Variants in NAA60 observed in about 807,000 individuals in gnomAD.
NAA60 encodes N-alpha-acetyltransferase 60.
A neutral mutation model predicts 26.1 loss-of-function variants in NAA60; 8 were observed. That is an observed-to-expected ratio of 0.31 (90% CI 0.18 to 0.55). NAA60 has a LOEUF of 0.55. Among genes scored for constraint, NAA60 ranks in the 20% least tolerant of loss-of-function variants. The pLI is 0.93. For missense variants in NAA60, 290 were observed against 311.3 expected, an observed-to-expected ratio of 0.93 and a Z score of 0.51; for synonymous variants, 131 against 122.5, an observed-to-expected ratio of 1.07 and a Z score of -0.46.
At chr16:3,449,591 A>G (rs2034692326) in intron 2 of NAA60, among the ~76,000 whole-genome samples, 1 of 152,152 alleles carries the variant, frequency 6.6e-6, no homozygotes. Context: ...AGGCTAAGGA[A>G]GAAGAATTGC....
intron 2 of NAA60, among the ~76,000 whole-genome samples, chr16:3,460,280 A>G (rs944202296): frequency 6.6e-6 from 1 of 152,196 alleles, no homozygotes; most frequent in Non-Finnish European, 1.5e-5. Context: ...CATCTGCGTC[A>G]TCTCCATTAT....
chr16:3,449,778 G>A (rs542081463), intron 2 of NAA60, among the ~76,000 whole-genome samples: 36 of 152,216 alleles, frequency 2.4e-4, no homozygotes, highest in African/African-American at 7.7e-4. Flanking sequence ...CGTGGGGCAG[G>A]TCTTTCCCAT....
chr16:3,476,711 G>C (rs1206965396), intron 3 of NAA60, among the ~76,000 whole-genome samples: 1 of 151,670 alleles, frequency 6.6e-6, no homozygotes, highest in African/African-American at 2.4e-5. Context: ...TTATTCAGCC[G>C]GGAAAAAAAA....
chr16:3,453,528 C>T (rs2034865908), intron 2 of NAA60, among the ~76,000 whole-genome samples: 1 of 152,116 alleles, frequency 6.6e-6, no homozygotes. Flanking sequence ...TCTGCCTTAG[C>T]CTCTCAAGTA....
At chr16:3,458,950 C>T (rs1370480258) in intron 2 of NAA60, among the ~76,000 whole-genome samples, 1 of 152,158 alleles carries the variant, frequency 6.6e-6, no homozygotes, top group Non-Finnish European at 1.5e-5. Flanking sequence ...TGTGCCCAAA[C>T]GGAGACAGGA....
intron 2 of NAA60, among the ~76,000 whole-genome samples, chr16:3,468,749 C>G (rs555184568): frequency 2.0e-5 from 3 of 152,268 alleles, no homozygotes; most frequent in African/African-American, 4.8e-5. Flanking sequence ...ACCCCAGGCT[C>G]GAGCCTTTGA....
At chr16:3,446,800 G>A (rs1451166130) in intron 1 of NAA60, among the ~76,000 whole-genome samples, 1 of 151,930 alleles carries the variant, frequency 6.6e-6, no homozygotes, top group African/African-American at 2.4e-5. Context: ...TAGTAGAGAT[G>A]CAGTTTTGCC....
At chr16:3,474,715 G>A (rs11866398) in intron 2 of NAA60, among the ~76,000 whole-genome samples, 2,626 of 152,290 alleles carry the variant, frequency 0.017, 67 homozygotes, top group African/African-American at 0.057. Flanking sequence ...CCTTGCACCT[G>A]CCCCCAGCAG....
At chr16:3,473,901 A>AT (rs1301034670) in intron 2 of NAA60, among the ~76,000 whole-genome samples, 1 of 151,522 alleles carries the variant, frequency 6.6e-6, no homozygotes, top group Non-Finnish European at 1.5e-5. Flanking sequence ...TGCCTGGCTA[A>AT]TTTTTATATT....
intron 3 of NAA60, among the ~76,000 whole-genome samples, chr16:3,477,794 A>C (rs2036573445): frequency 6.6e-6 from 1 of 151,998 alleles, no homozygotes; most frequent in African/African-American, 2.4e-5. Context: ...GGCCGGGCGC[A>C]GTGGCTCACG....
At chr16:3,459,754 G>A (rs37838) in intron 2 of NAA60, among the ~76,000 whole-genome samples, 51,765 of 151,896 alleles carry the variant, frequency 0.34, 9,034 homozygotes, top group African/African-American at 0.41. Context: ...CACACAGACA[G>A]CTTTTTAAAA....
intron 2 of NAA60, among the ~76,000 whole-genome samples, chr16:3,469,281 C>A (rs557514647): frequency 7.4e-6 from 1 of 135,312 alleles, no homozygotes; most frequent in Non-Finnish European, 1.6e-5. Flanking sequence ...GAGCAGAGAG[C>A]ACCTGCCTGG....
intron 6 of NAA60, among the ~76,000 whole-genome samples, chr16:3,484,225 A>G (rs188258276): frequency 6.6e-6 from 1 of 152,312 alleles, no homozygotes; most frequent in East Asian, 1.9e-4. Context: ...TTCATTACAT[A>G]GAATAATAAG....
At chr16:3,450,572 C>T (rs535574752) in intron 2 of NAA60, among the ~76,000 whole-genome samples, 18 of 152,018 alleles carry the variant, frequency 1.2e-4, no homozygotes, top group South Asian at 4.2e-4. Context: ...TGGTGGTGGG[C>T]ACCTGTGGTC....
rs139359923 is a variant in NAA60, at chr16:3,451,943, C to T, written c.-7+3403C>T. Among the ~76,000 whole-genome samples, 637 of 151,190 alleles carry T rather than the reference C, an allele frequency of 4.2e-3. 10 individuals are homozygous for T. Among genetic ancestry groups the T allele is most frequent in the South Asian group, 0.031 (149 of 4,786 alleles). ...AAAAAAAAAAATGAGCATGGTGGCT[C>T]ACACCAGTAATCCCAGAATCCCAGC... On this transcript the variant is annotated intron_variant, in intron 2 of 7. Transcript: ENST00000407558.
chr16:3,455,728 GAGA>G lies in NAA60; in HGVS notation c.-7+7191_-7+7193del, dbSNP rs959503177. On this transcript the variant is annotated intron_variant, in intron 2 of 7. Coordinates refer to ENST00000407558, the MANE Select transcript of NAA60 (RefSeq NM_001083601.3). The stretch of plus-strand genomic sequence containing the variant: ...GGGTTTTTTTGTTTTGTTTTGTTTT[GAGA>G]AGGAGTCTTGCTCTGTCCCAGACTG... Among the ~76,000 whole-genome samples, 6 of 151,176 alleles carry G rather than the reference GAGA, an allele frequency of 4.0e-5. No homozygotes were observed. The East Asian group carries it at 7.8e-4, about 20-fold the overall frequency.
At chr16:3,478,238 A>G (rs952915907) in intron 3 of NAA60, among the ~76,000 whole-genome samples, 15 of 152,154 alleles carry the variant, frequency 9.9e-5, no homozygotes, top group African/African-American at 3.6e-4. Context: ...TCCATCTCAA[A>G]ATAAAAATAA....
intron 2 of NAA60, among the ~76,000 whole-genome samples, chr16:3,465,280 A>G (rs1354676357): frequency 1.3e-5 from 2 of 148,574 alleles, no homozygotes. Flanking sequence ...AAAAAAAAAA[A>G]AAAGAAAAGA....
At chr16:3,465,320 G>C (rs1388627956) in intron 2 of NAA60, among the ~76,000 whole-genome samples, 1 of 151,954 alleles carries the variant, frequency 6.6e-6, no homozygotes, top group Non-Finnish European at 1.5e-5. Flanking sequence ...AGCAAGAGAG[G>C]CAGCCACGGG....
Sources: gnomAD v4.1 joint callset for allele counts (sites outside exome capture counted in the v4.1 genomes callset) on GRCh38, gnomAD v4.1.1 for gene constraint, MANE v1.5 for transcripts, NCBI Gene and HGNC (gene_info 2026-07-23, HGNC 2026-07-21) for gene names.